TOP1: variants seen among roughly 807,000 people sequenced by gnomAD.
TOP1 encodes DNA topoisomerase I, also known as DNA topoisomerase 1.
A neutral mutation model predicts 111.1 loss-of-function variants in TOP1; 10 were observed. That is an observed-to-expected ratio of 0.09 (90% CI 0.06 to 0.15). The LOEUF (loss-of-function observed/expected upper bound fraction) is 0.15, where lower values mean the gene tolerates loss of function less well. Ranked by LOEUF, TOP1 falls within the 10% of genes least tolerant of loss-of-function variation. The probability of loss-of-function intolerance (pLI) is 1.00; values close to 1 mark genes in which losing one functional copy is unlikely to be tolerated. For missense variants in TOP1, 474 were observed against 926.7 expected, an observed-to-expected ratio of 0.51 and a Z score of 6.34; for synonymous variants, 271 against 302.9, an observed-to-expected ratio of 0.89 and a Z score of 1.10.
chr20:41,028,976 C>A lies in TOP1; in HGVS notation c.-92C>A. The A allele has an allele frequency of 8.8e-7, 1 of 1,141,724 alleles. No homozygotes were observed. Among genetic ancestry groups the A allele is most frequent in the Non-Finnish European group, 1.3e-6 (1 of 796,396 alleles). 70.7% of individuals were successfully genotyped at this position (1,141,724 alleles called of 1,614,324 possible). A position where few individuals can be genotyped will look rare whatever the true frequency, so the allele number is the denominator to read the frequency against. ...GCTTACCTGCGCCTCCTCGAGCCTC[C>A]GGAGTCCCCGTCCGCCCGCACAGGC... On this transcript the variant is annotated 5_prime_UTR_variant, in exon 1 of 21. Coordinates refer to ENST00000361337, the MANE Select transcript of TOP1 (RefSeq NM_003286.4).
intron 2 of TOP1, among the ~76,000 whole-genome samples, chr20:41,055,506 A>G (rs186507328): frequency 6.6e-6 from 1 of 152,326 alleles, no homozygotes; most frequent in Admixed American, 6.5e-5. Flanking sequence ...CTTCTGACCA[A>G]CATCTTTAGT....
chr20:41,047,939 A>T (rs2033353553), intron 2 of TOP1, among the ~76,000 whole-genome samples: 2 of 152,138 alleles, frequency 1.3e-5, no homozygotes, highest in Admixed American at 1.3e-4. Flanking sequence ...AAAGAGCTTG[A>T]CTAACCCCCT....
rs1366953389 is a variant in TOP1, at chr20:41,102,055, C to T, written c.1308+702C>T. On this transcript the variant is annotated intron_variant, in intron 13 of 20. Transcript: ENST00000361337. The surrounding 1 kb of genome is among the most constrained non-coding windows in gnomAD (Gnocchi z 4.0). ...AACATACTATGAAATATAAACCTAA[C>T]AGAGACAAAAACACAGTCAAGGAAT... Among the ~76,000 whole-genome samples the T allele has an allele frequency of 5.3e-5, 8 of 152,174 alleles. No individual in the cohort carries two copies. Among genetic ancestry groups the T allele is most frequent in the Non-Finnish European group, 8.8e-5 (6 of 68,038 alleles).
At position 41,087,404 on chromosome 20, in the gene TOP1, T is replaced by C. The variant is rs151038946; in HGVS notation, c.614+2836T>C. ...CTGACCTGGGAATATAAGTTGCCAG[T>C]TAATTCTCAACAGATGATTCTTCAT... is the stretch of plus-strand genomic sequence containing the variant. On this transcript the variant is annotated intron_variant, in intron 8 of 20. Transcript: ENST00000361337. Among the ~76,000 whole-genome samples, 136 of 152,364 alleles carry C rather than the reference T, an allele frequency of 8.9e-4. 2 individuals are homozygous for C. The highest frequency in any genetic ancestry group is 6.9e-3 in the East Asian group (36 of 5,190).
chr20:41,081,712 A>G (rs1343669262), intron 7 of TOP1, among the ~76,000 whole-genome samples: 1 of 152,008 alleles, frequency 6.6e-6, no homozygotes, highest in Admixed American at 6.6e-5. Context: ...GCTCCTCCCA[A>G]TCTGGCCCCT....
intron 2 of TOP1, among the ~76,000 whole-genome samples, chr20:41,040,971 G>T (rs906967211): frequency 6.6e-6 from 1 of 152,076 alleles, no homozygotes; most frequent in South Asian, 2.1e-4. Context: ...ACTAGGTATT[G>T]TGAACTCCTT....
Position 41,029,033 on chromosome 20 carries a change from C to G in TOP1, c.-35C>G, listed in dbSNP as rs778430860. 6.5e-7 allele frequency: 1 copy of G among 1,541,232 alleles called. No homozygotes were observed. The highest frequency in any genetic ancestry group is 8.7e-7 in the Non-Finnish European group (1 of 1,148,222). On this transcript the variant is annotated 5_prime_UTR_variant, in exon 1 of 21. Transcript: ENST00000361337. The surrounding 1 kb of genome is among the most constrained non-coding windows in gnomAD (Gnocchi z 6.1). ...GCCGTCTGCGTCTCCCCCACGCCGC[C>G]TCGCCTGCCGCCGCGCTCGTCCCTC...
intron 3 of TOP1, among the ~76,000 whole-genome samples, chr20:41,068,206 C>T (rs1190317663): frequency 2.0e-5 from 3 of 152,202 alleles, no homozygotes; most frequent in Non-Finnish European, 4.4e-5. Context: ...TCTTTGTCCC[C>T]AAATCCCTGA....
At position 41,082,406 on chromosome 20, in the gene TOP1, A is replaced by G. The variant is rs995875829; in HGVS notation, c.507+1166A>G. On this transcript the variant is annotated intron_variant, in intron 7 of 20. Coordinates refer to ENST00000361337, the MANE Select transcript of TOP1 (RefSeq NM_003286.4). The surrounding 1 kb of genome is among the most constrained non-coding windows in gnomAD (Gnocchi z 4.1). ...TCATCTCCATTTTGCAGATGCAGAA[A>G]TAGAGTATAGAAATATTTAATCATT... 9.9e-5 allele frequency among the ~76,000 whole-genome samples: 15 copies of G among 152,220 alleles called. No homozygotes were observed. The highest frequency in any genetic ancestry group is 2.2e-4 in the Non-Finnish European group (15 of 68,028).
chr20:41,098,130 C>A lies in TOP1; in HGVS notation c.853-85C>A, dbSNP rs2034007846. 1.4e-6 allele frequency: 2 copies of A among 1,436,008 alleles called. No individual in the cohort carries two copies. Among genetic ancestry groups the A allele is most frequent in the African/African-American group, 1.4e-5 (1 of 71,068 alleles). 89.0% of individuals were successfully genotyped at this position (1,436,008 alleles called of 1,614,324 possible). A position where few individuals can be genotyped will look rare whatever the true frequency, so the allele number is the denominator to read the frequency against. ...GAAACCTTTGACTGAAAAAATGGTG[C>A]TTGGGTGTATTTGCAAAGAAACCCA... On this transcript the variant is annotated intron_variant, in intron 10 of 20. Transcript: ENST00000361337. The surrounding 1 kb of genome is among the most constrained non-coding windows in gnomAD (Gnocchi z 5.7).
rs2034038690 is a variant in TOP1, at chr20:41,100,120, A to G, written c.1040A>G (p.Lys347Arg). 6.2e-7 allele frequency: 1 copy of G among 1,613,966 alleles called. No individual in the cohort carries two copies. Among genetic ancestry groups the G allele is most frequent in the African/African-American group, 1.3e-5 (1 of 75,036 alleles). ...GGATTCTGTATTATGGATAACCACA[A>G]AGAGAGGATTGCTAACTTCAAGATA... The part of the protein sequence containing the change: ...EYGFCIMDNH[K>R]ERIANFKIEP... The change falls in exon 12 of 21, where the codon AAA (lysine) becomes AGA (arginine). Residue 347 changes from lysine to arginine, a missense_variant. Transcript: ENST00000361337. This position sits in a 1 kb window ranked among gnomAD's most constrained non-coding sequence, Gnocchi z 4.4.
intron 2 of TOP1, among the ~76,000 whole-genome samples, chr20:41,048,252 C>G (rs1314191886): frequency 2.0e-5 from 3 of 152,098 alleles, no homozygotes; most frequent in Non-Finnish European, 4.4e-5. Flanking sequence ...TCAGAAGACT[C>G]AGGAATAAGA....
In TOP1 at chr20:41,080,362, G is replaced by A. The variant is rs564734624; in HGVS notation, c.431+182G>A. Reference sequence around the variant, plus strand: ...AGAAGTAGAGTTTGCTAAACAAGTAGTATACCCAAGGCTTACATGAAGATT... The same window carrying A: ...AGAAGTAGAGTTTGCTAAACAAGTAATATACCCAAGGCTTACATGAAGATT... On this transcript the variant is annotated intron_variant, in intron 6 of 20. Transcript: ENST00000361337. This position sits in a 1 kb window ranked among gnomAD's most constrained non-coding sequence, Gnocchi z 5.0. Among the ~76,000 whole-genome samples the A allele has an allele frequency of 6.6e-6, 1 of 152,238 alleles. No homozygotes were observed. The highest frequency in any genetic ancestry group is 1.5e-5 in the Non-Finnish European group (1 of 68,006).
chr20:41,080,610 A>G lies in TOP1; in HGVS notation c.431+430A>G, dbSNP rs1296508418. On this transcript the variant is annotated intron_variant, in intron 6 of 20. Coordinates refer to ENST00000361337, the MANE Select transcript of TOP1 (RefSeq NM_003286.4). The surrounding 1 kb of genome is among the most constrained non-coding windows in gnomAD (Gnocchi z 5.0). ...TGCTCATAAAACGGTCGAGGCTTAC[A>G]TGTATCTCTTTCCCCAGATTCAATG... is the stretch of plus-strand genomic sequence containing the variant. Among the ~76,000 whole-genome samples the G allele has an allele frequency of 6.6e-6, 1 of 152,172 alleles. No homozygotes were observed. The highest frequency in any genetic ancestry group is 1.5e-5 in the Non-Finnish European group (1 of 68,022).
At position 41,034,400 on chromosome 20, in the gene TOP1, T is replaced by A. The variant is rs1047085429; in HGVS notation, c.58+4945T>A. 6.6e-6 allele frequency among the ~76,000 whole-genome samples: 1 copy of A among 152,172 alleles called. No homozygotes were observed. The highest frequency in any genetic ancestry group is 6.5e-5 in the Admixed American group (1 of 15,272). On this transcript the variant is annotated intron_variant, in intron 2 of 20. Coordinates refer to ENST00000361337, the MANE Select transcript of TOP1 (RefSeq NM_003286.4). This position sits in a 1 kb window ranked among gnomAD's most constrained non-coding sequence, Gnocchi z 4.0. The stretch of plus-strand genomic sequence containing the variant: ...GAGGCCAGGGTTGGAATAATTAGCA[T>A]TTTGCCAACCCCCACCCTCCCTGCC...
intron 13 of TOP1, among the ~76,000 whole-genome samples, chr20:41,107,314 T>G (rs1194625027): frequency 6.6e-6 from 1 of 152,200 alleles, no homozygotes; most frequent in East Asian, 1.9e-4. Context: ...CCTTTTGTAC[T>G]TCTTTTTTAG....
intron 13 of TOP1, among the ~76,000 whole-genome samples, chr20:41,105,788 C>A (rs1161388223): frequency 6.6e-6 from 1 of 152,216 alleles, no homozygotes; most frequent in Non-Finnish European, 1.5e-5. Flanking sequence ...AGCCACCATA[C>A]CCTGCCTCTA....
At chr20:41,099,893 T>A (rs1385462658) in intron 11 of TOP1, among the ~76,000 whole-genome samples, 163 bp from the exon 12 acceptor site, 1 of 152,234 alleles carries the variant, frequency 6.6e-6, no homozygotes, top group East Asian at 1.9e-4. Flanking sequence ...TTATGATATT[T>A]AAGTTTGAGA....
intron 2 of TOP1, among the ~76,000 whole-genome samples, chr20:41,036,924 A>C (rs917734120): frequency 7.1e-6 from 1 of 141,630 alleles, no homozygotes; most frequent in Non-Finnish European, 1.5e-5. Context: ...TCCGCCTCCC[A>C]GGTTCACGCC....
Sources: gnomAD v4.1 joint callset for allele counts (sites outside exome capture counted in the v4.1 genomes callset) on GRCh38, gnomAD v4.1.1 for gene constraint, Gnocchi (gnomAD v3.1) non-coding constraint, MANE v1.5 for transcripts, NCBI Gene and HGNC (gene_info 2026-07-23, HGNC 2026-07-21) for gene names.